The following LRP5 variants were observed in gnomAD, a reference collection of about 807,000 sequenced individuals.
LRP5 encodes LDL receptor related protein 5, also known as low-density lipoprotein receptor-related protein 5.
LRP5 carries 62 observed loss-of-function variants against 154.1 expected under a neutral mutation model. The observed-to-expected ratio is 0.40, with a 90% CI of 0.33 to 0.50. The LOEUF is 0.50. Among genes scored for constraint, LRP5 ranks in the 20% least tolerant of loss-of-function variants. LRP5 has a pLI of 0.55. For synonymous variants in LRP5, 966 were observed against 1,011.5 expected (o/e 0.96, Z 0.85); for missense variants, 1,915 against 2,336.7 (o/e 0.82, Z 3.72).
chr11:68,302,345 C>CA, the LRP5 span, among the ~76,000 whole-genome samples: 473 of 84,324 alleles, frequency 5.6e-3, 3 homozygotes, highest in Middle Eastern at 0.041. Context: ...GACTCCATCT[C>CA]AAAAAAAAAA....
intron 18 of LRP5, among the ~76,000 whole-genome samples, chr11:68,436,554 C>A (rs917775195): frequency 1.9e-5 from 2 of 107,946 alleles, no homozygotes; most frequent in African/African-American, 1.2e-4. Flanking sequence ...TTGGCACCCA[C>A]CCCCCCACCA....
chr11:68,418,747 C>T (rs1283917306), intron 13 of LRP5, among the ~76,000 whole-genome samples: 4 of 152,204 alleles, frequency 2.6e-5, no homozygotes, highest in Non-Finnish European at 1.5e-5. Flanking sequence ...AGCTTCTCTC[C>T]TGGGCAGCTG....
At chr11:68,436,361 C>T (rs182464632) in intron 18 of LRP5, among the ~76,000 whole-genome samples, 142 of 152,234 alleles carry the variant, frequency 9.3e-4, no homozygotes, top group African/African-American at 3.3e-3. Context: ...CAGCCGTCAG[C>T]GCCCTGGCTT....
chr11:68,395,810 C>T (rs2098649017), intron 7 of LRP5, among the ~76,000 whole-genome samples: 1 of 152,122 alleles, frequency 6.6e-6, no homozygotes, highest in Non-Finnish European at 1.5e-5. Context: ...GATGCTGGCT[C>T]TGTGTTTTCT....
chr11:68,420,705 CAA>C (rs757093353), intron 13 of LRP5, among the ~76,000 whole-genome samples: 6 of 135,174 alleles, frequency 4.4e-5, no homozygotes, highest in East Asian at 2.1e-4. Context: ...CTTCCTGTCT[CAA>C]AAAAAAAAAA....
chr11:68,321,544 A>G (rs2098596784), intron 1 of LRP5, among the ~76,000 whole-genome samples: 1 of 152,030 alleles, frequency 6.6e-6, no homozygotes, highest in African/African-American at 2.4e-5. Flanking sequence ...TGCTGGGTGC[A>G]GTGGAGCCGG....
chr11:68,349,027 C>CTT (rs368502197), intron 2 of LRP5, among the ~76,000 whole-genome samples: 22,979 of 123,424 alleles, frequency 0.19, 2,819 homozygotes, highest in Non-Finnish European at 0.28. Flanking sequence ...AGTTATGTTC[C>CTT]TTTTTTTTTT....
intron 8 of LRP5, chr11:68,404,181 G>T: frequency 2.2e-6 from 1 of 450,852 alleles, no homozygotes; most frequent in Non-Finnish European, 4.4e-6. Context: ...GCTCCCCGAG[G>T]AGGTCGTTGT....
At position 68,312,978 on chromosome 11, in the gene LRP5, G is replaced by GCGGGCCCTTTGTCTCCCCACC. The variant is rs1236503687; in HGVS notation, c.91+182_91+202dup. ...GCCGTCCCCGGCGTCCCCGCCACGC[G>GCGGGCCCTTTGTCTCCCCACC]CGGGCCCTTTGTCTCCCCACCCGGG... On this transcript the variant is annotated intron_variant, in intron 1 of 22. Transcript: ENST00000294304. Among the ~76,000 whole-genome samples the GCGGGCCCTTTGTCTCCCCACC allele has an allele frequency of 4.0e-5, 6 of 148,242 alleles. No homozygotes were observed. The South Asian group carries it at 1.0e-3, about 26-fold the overall frequency.
Position 68,409,995 on chromosome 11 carries a change from G to T in LRP5, c.2173G>T (p.Val725Phe), listed in dbSNP as rs769035778. The change falls in exon 10 of 23, where the codon GTT becomes TTT. Residue 725 changes from valine (V) to phenylalanine (F), a missense_variant. This residue lies in a region of LRP5 where 773 missense variants were observed against 1,100.9 expected (regional missense o/e 0.70). Transcript: ENST00000294304. The stretch of plus-strand genomic sequence containing the variant: ...CCTTGACTACCCCGAGGGCATGGCC[G>T]TTGACTGGATGGGCAAGAACCTCTA... ...FGLDYPEGMA[V>F]DWMGKNLYWA... 6.2e-6 allele frequency: 10 copies of T among 1,614,058 alleles called. No individual in the cohort carries two copies. The highest frequency in any genetic ancestry group is 1.1e-5 in the South Asian group (1 of 91,090).
In LRP5 at chr11:68,386,151, G is replaced by A. The variant is rs550880068; in HGVS notation, c.1016-165G>A. 5.1e-4 allele frequency among the ~76,000 whole-genome samples: 77 copies of A among 152,284 alleles called. No individual in the cohort carries two copies. Among genetic ancestry groups the A allele is most frequent in the African/African-American group, 1.7e-3 (71 of 41,554 alleles). On this transcript the variant is annotated intron_variant, in intron 5 of 22. Transcript: ENST00000294304. This position sits in a 1 kb window ranked among gnomAD's most constrained non-coding sequence, Gnocchi z 7.9. ...AGAGGTGTCATGAGGATGAACGAGT[G>A]ACCATGTAGCATGGGCTGGGTGCGT...
chr11:68,354,215 A>G (rs1179257230), intron 2 of LRP5, among the ~76,000 whole-genome samples: 1 of 152,120 alleles, frequency 6.6e-6, no homozygotes, highest in East Asian at 1.9e-4. Context: ...TCGGAAGTCG[A>G]TTTTCCTCCG....
intron 3 of LRP5, among the ~76,000 whole-genome samples, chr11:68,362,437 C>G (rs531736925): frequency 2.0e-5 from 3 of 152,288 alleles, no homozygotes; most frequent in Admixed American, 6.5e-5. Flanking sequence ...AATCCCAGCA[C>G]TTTGAGAGGC....
chr11:68,380,087 C>T lies in LRP5; in HGVS notation c.1016-6229C>T, dbSNP rs1443964450. On this transcript the variant is annotated intron_variant, in intron 5 of 22. Transcript: ENST00000294304. ...GGCAGAGGTTACAGTGAGTCGAGAT[C>T]GCGCCACTGCACTCCAGCCTGGGCA... is the stretch of plus-strand genomic sequence containing the variant. Among the ~76,000 whole-genome samples, 7 of 152,190 alleles carry T rather than the reference C, an allele frequency of 4.6e-5. No homozygotes were observed. In the East Asian group the frequency reaches 5.8e-4, roughly 13 times the overall value.
At chr11:68,320,179 A>T (rs968667575) in intron 1 of LRP5, among the ~76,000 whole-genome samples, 3 of 152,124 alleles carry the variant, frequency 2.0e-5, no homozygotes, top group African/African-American at 7.2e-5. Context: ...ACATACATAC[A>T]AGCATACATA....
intron 5 of LRP5, among the ~76,000 whole-genome samples, chr11:68,373,133 C>G (rs1296092691): frequency 6.6e-6 from 1 of 152,210 alleles, no homozygotes; most frequent in East Asian, 1.9e-4. Flanking sequence ...AGGTGAGACT[C>G]AAGGGTCCCT....
intron 3 of LRP5, among the ~76,000 whole-genome samples, chr11:68,358,939 G>C (rs1230331575): frequency 6.6e-6 from 1 of 152,220 alleles, no homozygotes; most frequent in East Asian, 1.9e-4. Flanking sequence ...TGTCTGTGCA[G>C]AGGGCAGTAG....
chr11:68,344,553 T>C (rs1340969108), intron 1 of LRP5, among the ~76,000 whole-genome samples: 1 of 151,892 alleles, frequency 6.6e-6, no homozygotes, highest in Non-Finnish European at 1.5e-5. Context: ...CTCCTGGCCT[T>C]AAGTGATCTG....
At chr11:68,394,534 C>T (rs1196896269) in intron 7 of LRP5, among the ~76,000 whole-genome samples, 2 of 151,586 alleles carry the variant, frequency 1.3e-5, no homozygotes. Flanking sequence ...GGCACGATCT[C>T]GGCTCACTGC....
Sources: gnomAD v4.1 joint callset for allele counts (sites outside exome capture counted in the v4.1 genomes callset) on GRCh38, gnomAD v4.1.1 for gene constraint, gnomAD v4.1.1 regional missense constraint, Gnocchi (gnomAD v3.1) non-coding constraint, MANE v1.5 for transcripts, NCBI Gene and HGNC (gene_info 2026-07-23, HGNC 2026-07-21) for gene names.